Variants in FBXW11 observed in about 807,000 individuals in gnomAD.
The protein encoded by FBXW11 is F-box/WD repeat-containing protein 11.
Under a neutral mutation model 77.6 loss-of-function variants are expected in FBXW11, and 19 were observed. The observed-to-expected ratio is 0.24, with a 90% confidence interval of 0.17 to 0.36. FBXW11 has a LOEUF of 0.36. Ranked by LOEUF, FBXW11 falls within the 10% of genes least tolerant of loss-of-function variation. The pLI, the probability that FBXW11 is intolerant of heterozygous loss-of-function variation, is 1.00. For missense variants in FBXW11, 334 were observed against 704.2 expected (o/e 0.47, Z 5.95); for synonymous variants, 235 against 249.4 (o/e 0.94, Z 0.54).
Position 171,869,852 on chromosome 5 carries a change from T to G in FBXW11, c.1452-45A>C, listed in dbSNP as rs1230475913. 1.5e-6 allele frequency: 2 copies of G among 1,327,938 alleles called. No homozygotes were observed. The highest frequency in any genetic ancestry group is 4.0e-5 in the Admixed American group (2 of 50,492). 82.3% of individuals were successfully genotyped at this position (1,327,938 alleles called of 1,614,324 possible). On this transcript the variant is annotated intron_variant, in intron 11 of 13. Coordinates refer to ENST00000517395, the MANE Select transcript of FBXW11 (RefSeq NM_001378974.1). The surrounding 1 kb of genome is among the most constrained non-coding windows in gnomAD (Gnocchi z 4.1). The stretch of plus-strand genomic sequence containing the variant: ...GTGATTAGTGGAAAAGTGAACAATT[T>G]ATATGCTGTCAAACATTTCCTTGAA...
At chr5:171,936,794 C>CCAG (rs574239194) in intron 2 of FBXW11, among the ~76,000 whole-genome samples, 118 of 152,166 alleles carry the variant, frequency 7.8e-4, no homozygotes, top group Middle Eastern at 6.8e-3. Context: ...ACTTGCTTTT[C>CCAG]CAGCACGTGT....
chr5:171,975,259 A>C (rs559859221), intron 1 of FBXW11, among the ~76,000 whole-genome samples: 14 of 152,372 alleles, frequency 9.2e-5, no homozygotes, highest in African/African-American at 2.6e-4. Flanking sequence ...ATATGCCACT[A>C]GAAAAGAATG....
intron 4 of FBXW11, among the ~76,000 whole-genome samples, chr5:171,907,590 A>T (rs1760612110): frequency 6.6e-6 from 1 of 152,158 alleles, no homozygotes; most frequent in Non-Finnish European, 1.5e-5. Context: ...CATATGTATG[A>T]TATACACTGA....
At chr5:171,878,266 AG>A in intron 7 of FBXW11, 137 bp from the exon 8 acceptor site, 1 of 631,030 alleles carries the variant, frequency 1.6e-6, no homozygotes, top group South Asian at 2.0e-5. Flanking sequence ...AATAACAAAC[AG>A]GTAAGAAATG....
At chr5:171,872,585 C>T (rs892832183) in intron 10 of FBXW11, among the ~76,000 whole-genome samples, 6 of 152,162 alleles carry the variant, frequency 3.9e-5, no homozygotes, top group African/African-American at 1.4e-4. Flanking sequence ...CTGGGCTGCA[C>T]TGCAGCACCC....
intron 1 of FBXW11, among the ~76,000 whole-genome samples, chr5:171,991,273 G>A (rs1032042371): frequency 1.3e-5 from 2 of 152,128 alleles, no homozygotes; most frequent in African/African-American, 4.8e-5. Flanking sequence ...AGGAGGCCTA[G>A]GAATTAGGGT....
At chr5:171,867,381 T>C (rs540952150) in intron 13 of FBXW11, among the ~76,000 whole-genome samples, 7 of 151,976 alleles carry the variant, frequency 4.6e-5, no homozygotes, top group African/African-American at 7.2e-5. Flanking sequence ...AATTACTGCA[T>C]GTCATGAAAA....
chr5:171,992,886 C>A (rs1308921472), intron 1 of FBXW11, among the ~76,000 whole-genome samples: 1 of 151,766 alleles, frequency 6.6e-6, no homozygotes, highest in Non-Finnish European at 1.5e-5. Flanking sequence ...TATAAAGAGG[C>A]CACAAGGAAG....
chr5:171,874,813 T>A (rs1044770579), intron 9 of FBXW11, among the ~76,000 whole-genome samples: 1 of 134,722 alleles, frequency 7.4e-6, no homozygotes, highest in Non-Finnish European at 1.6e-5. Flanking sequence ...TCCCAGCTAC[T>A]CCGGGAGGCT....
In FBXW11 at chr5:171,946,255, A is replaced by G. The variant is rs78376008; in HGVS notation, c.147+11342T>C. Among the ~76,000 whole-genome samples, 494 of 152,266 alleles carry G rather than the reference A, an allele frequency of 3.2e-3. 2 individuals are homozygous for G. The highest frequency in any genetic ancestry group is 0.011 in the African/African-American group (473 of 41,548). ...AGTCAGTTTCCTAAAATATCTATCT[A>G]CTATTGATTCTGTTTCTCTGGAGAA... On this transcript the variant is annotated intron_variant, in intron 2 of 13. Transcript: ENST00000517395.
chr5:171,963,182 C>A (rs1254344223), intron 1 of FBXW11, among the ~76,000 whole-genome samples: 1 of 46,592 alleles, frequency 2.1e-5, no homozygotes, highest in African/African-American at 3.3e-5. Context: ...AATGTAAATA[C>A]ACATACACAC....
intron 8 of FBXW11, among the ~76,000 whole-genome samples, chr5:171,877,577 A>G (rs1402468043): frequency 1.3e-5 from 2 of 152,126 alleles, no homozygotes; most frequent in Non-Finnish European, 2.9e-5. Context: ...TCTGAGGCTG[A>G]GACATGATCT....
At chr5:172,006,103 G>A (rs955556677) in intron 1 of FBXW11, among the ~76,000 whole-genome samples, 3 of 152,014 alleles carry the variant, frequency 2.0e-5, no homozygotes, top group Non-Finnish European at 4.4e-5. Flanking sequence ...GGCCGAAACA[G>A]AGGAAAGAAA....
In FBXW11 at chr5:171,871,652, G is replaced by A. The variant is rs1757760121; in HGVS notation, c.1341-794C>T. On this transcript the variant is annotated intron_variant, in intron 10 of 13. Transcript: ENST00000517395. ...TGACTGATTTTCTACAGTATTTGTA[G>A]AAAAAAATCATAGCTAGTTAGCATG... Among the ~76,000 whole-genome samples, 9 of 152,046 alleles carry A rather than the reference G, an allele frequency of 5.9e-5. No homozygotes were observed. In the South Asian group the frequency reaches 1.9e-3, roughly 32 times the overall value.
At chr5:171,938,806 A>G (rs985764418) in intron 2 of FBXW11, among the ~76,000 whole-genome samples, 5 of 152,242 alleles carry the variant, frequency 3.3e-5, no homozygotes, top group Non-Finnish European at 7.3e-5. Flanking sequence ...TGAACACAAC[A>G]GAGTACTATG....
intron 2 of FBXW11, among the ~76,000 whole-genome samples, chr5:171,953,627 C>A (rs1581248787): frequency 6.6e-6 from 1 of 152,078 alleles, no homozygotes; most frequent in South Asian, 2.1e-4. Context: ...TTCATACCCC[C>A]CAAGAGTAAG....
intron 2 of FBXW11, among the ~76,000 whole-genome samples, chr5:171,952,447 A>ATATATATTTTTT (rs1200841290): frequency 1.4e-4 from 1 of 6,948 alleles, no homozygotes. Context: ...ATATATATAT[A>ATATATATTTTTT]TTTTTTTTTT....
At chr5:171,917,082 A>C (rs1761304556) in intron 2 of FBXW11, among the ~76,000 whole-genome samples, 1 of 151,996 alleles carries the variant, frequency 6.6e-6, no homozygotes, top group African/African-American at 2.4e-5. Context: ...CACCATGCCC[A>C]GCTAATTTTT....
intron 1 of FBXW11, among the ~76,000 whole-genome samples, chr5:171,969,980 C>G (rs117728397): frequency 0.041 from 6,256 of 152,258 alleles, 317 homozygotes; most frequent in African/African-American, 0.12. Flanking sequence ...GCTGGTATTA[C>G]AGGAATGAGC....
Sources: gnomAD v4.1 joint callset for allele counts (sites outside exome capture counted in the v4.1 genomes callset) on GRCh38, gnomAD v4.1.1 for gene constraint, Gnocchi (gnomAD v3.1) non-coding constraint, MANE v1.5 for transcripts, NCBI Gene and HGNC (gene_info 2026-07-23, HGNC 2026-07-21) for gene names.